Variants in CFAP44 observed in about 807,000 individuals in gnomAD.
The protein encoded by CFAP44 is cilia and flagella associated protein 44.
A neutral mutation model predicts 216.2 loss-of-function variants in CFAP44; 134 were observed. The observed-to-expected ratio is 0.62, with a 90% CI of 0.54 to 0.72. The LOEUF (loss-of-function observed/expected upper bound fraction) is 0.72. Ranked by LOEUF, CFAP44 falls within the 30% of genes least tolerant of loss-of-function variation. The probability of loss-of-function intolerance (pLI) is 0.00; values close to 1 mark genes in which losing one functional copy is unlikely to be tolerated. For synonymous variants in CFAP44, 700 were observed against 727.6 expected (o/e 0.96, Z 0.61); for missense variants, 2,035 against 2,182.1 (o/e 0.93, Z 1.34).
In CFAP44 at chr3:113,385,835, G is replaced by A. The variant is rs192934604; in HGVS notation, c.1891-4775C>T. 7.9e-3 allele frequency among the ~76,000 whole-genome samples: 1,191 copies of A among 151,076 alleles called. 16 individuals carry two copies. Among genetic ancestry groups the A allele is most frequent in the African/African-American group, 0.027 (1,129 of 41,158 alleles). On this transcript the variant is annotated intron_variant, in intron 15 of 34. Transcript: ENST00000393845. ...ATTTTTTTTTTTTTGGTAGAGACAG[G>A]GTTTCACCATGTTGACCAGGCTTGT... is the stretch of plus-strand genomic sequence containing the variant.
At chr3:113,369,547 C>T (rs985601852) in intron 18 of CFAP44, among the ~76,000 whole-genome samples, 2 of 152,178 alleles carry the variant, frequency 1.3e-5, no homozygotes, top group Admixed American at 6.5e-5. Context: ...AAGGACACAA[C>T]GTACCAGAAT....
At chr3:113,372,148 A>C (rs1056137213) in intron 18 of CFAP44, among the ~76,000 whole-genome samples, 19 of 152,274 alleles carry the variant, frequency 1.2e-4, no homozygotes, top group Non-Finnish European at 2.6e-4. Context: ...AAATTAGTTC[A>C]ACCATTGTGG....
At chr3:113,301,405 G>A (rs1949933455) in intron 32 of CFAP44, among the ~76,000 whole-genome samples, 1 of 152,092 alleles carries the variant, frequency 6.6e-6, no homozygotes, top group African/African-American at 2.4e-5. Context: ...AATGCACACA[G>A]ATAGATGTTA....
chr3:113,328,587 G>T (rs58121831), intron 26 of CFAP44, among the ~76,000 whole-genome samples: 10,789 of 150,460 alleles, frequency 0.072, 798 homozygotes, highest in African/African-American at 0.19. Flanking sequence ...ATGATAGGTG[G>T]CCTCAACTGT....
chr3:113,414,428 G>T (rs1193761937), intron 6 of CFAP44, among the ~76,000 whole-genome samples: 1 of 152,166 alleles, frequency 6.6e-6, no homozygotes, highest in African/African-American at 2.4e-5. Flanking sequence ...GGGCATCCTT[G>T]TCTTGTACCA....
chr3:113,325,377 A>T (rs890611500), intron 28 of CFAP44, among the ~76,000 whole-genome samples: 1 of 152,102 alleles, frequency 6.6e-6, no homozygotes, highest in Non-Finnish European at 1.5e-5. Context: ...TATATACTGA[A>T]TACTAGTATA....
In CFAP44 at chr3:113,425,990, G is replaced by A. The variant is rs571266193; in HGVS notation, c.407+134C>T. On this transcript the variant is annotated intron_variant, in intron 4 of 34. Coordinates refer to ENST00000393845, the MANE Select transcript of CFAP44 (RefSeq NM_001164496.2). ...AACAAAATGTAAGCAAATGGATGTG[G>A]CTGTGTTGCAATAAAACTTGATTTA... 34 of 985,740 alleles carry A rather than the reference G, an allele frequency of 3.4e-5. No homozygotes were observed. In the South Asian group the frequency reaches 5.4e-4, roughly 16 times the overall value. The allele number at this position is 985,740 out of a possible 1,614,324, so 61.1% of individuals were successfully genotyped here.
chr3:113,368,821 T>A (rs1050455687), intron 18 of CFAP44, among the ~76,000 whole-genome samples: 8 of 152,148 alleles, frequency 5.3e-5, no homozygotes, highest in African/African-American at 1.9e-4. Flanking sequence ...TCATGACCCA[T>A]CAGTGTGCTG....
At chr3:113,342,749 T>C (rs956986939) in intron 23 of CFAP44, among the ~76,000 whole-genome samples, 1 of 152,000 alleles carries the variant, frequency 6.6e-6, no homozygotes, top group Non-Finnish European at 1.5e-5. Flanking sequence ...CTTATCACTT[T>C]GTAAGGCCAA....
intron 6 of CFAP44, among the ~76,000 whole-genome samples, chr3:113,414,794 T>C (rs1934597742): frequency 6.6e-6 from 1 of 152,242 alleles, no homozygotes; most frequent in Non-Finnish European, 1.5e-5. Flanking sequence ...GCATCGATGT[T>C]CATCAGGGAT....
intron 4 of CFAP44, among the ~76,000 whole-genome samples, chr3:113,422,364 G>A (rs527507806): frequency 2.0e-5 from 3 of 152,252 alleles, no homozygotes; most frequent in African/African-American, 7.2e-5. Context: ...AGAAGAAAAT[G>A]TAGAATGTAA....
At chr3:113,419,972 A>G (rs763090282) in intron 5 of CFAP44, 45 bp downstream of exon 5, 1 of 1,598,208 alleles carries the variant, frequency 6.3e-7, no homozygotes. Context: ...ACAAGCAAAA[A>G]GATAGGGTTT....
At chr3:113,349,862 C>A (rs547218293) in intron 22 of CFAP44, among the ~76,000 whole-genome samples, 2 of 152,158 alleles carry the variant, frequency 1.3e-5, no homozygotes, top group African/African-American at 4.8e-5. Flanking sequence ...TGTTACCATC[C>A]GAGGAATCCT....
In CFAP44 at chr3:113,379,158, G is replaced by A. The variant is rs551096234; in HGVS notation, c.2298+148C>T. 4.7e-5 allele frequency: 27 copies of A among 577,020 alleles called. 2 individuals are homozygous for A. The South Asian group carries it at 1.7e-3, about 36-fold the overall frequency. 35.7% of individuals were successfully genotyped at this position (577,020 alleles called of 1,614,324 possible). ...CCCACATTCATTCATCAAAACTCAC[G>A]ACTTCAATAGTATTTAATAAATGAA... On this transcript the variant is annotated intron_variant, in intron 17 of 34. Transcript: ENST00000393845.
chr3:113,396,794 A>C (rs550912801), intron 13 of CFAP44, 67 bp from the exon 14 acceptor site: 1 of 1,454,104 alleles, frequency 6.9e-7, no homozygotes, highest in African/African-American at 1.4e-5. Context: ...TATATAACAG[A>C]TATTTTATTT....
chr3:113,423,834 C>T (rs1934887219), intron 4 of CFAP44, among the ~76,000 whole-genome samples: 1 of 152,192 alleles, frequency 6.6e-6, no homozygotes, highest in African/African-American at 2.4e-5. Context: ...GAGACTCCAG[C>T]ACAGCCACGT....
rs1934128337 is a variant in CFAP44, at chr3:113,401,115, T to C, written c.1374+125A>G. On this transcript the variant is annotated intron_variant, in intron 11 of 34. Transcript: ENST00000393845. ...AGAGAGAATTCTCAAGAGTAGCACA[T>C]GTTAGGCAAGTTTTTTATGAGGACC... The C allele has an allele frequency of 7.5e-6, 6 of 805,310 alleles. No individual in the cohort carries two copies. In the East Asian group the frequency reaches 1.7e-4, roughly 23 times the overall value. The allele number at this position is 805,310 out of a possible 1,614,324, so 49.9% of individuals were successfully genotyped here. A position where few individuals can be genotyped will look rare whatever the true frequency, so the allele number is the denominator to read the frequency against.
At chr3:113,349,027 C>T (rs531198552) in intron 22 of CFAP44, among the ~76,000 whole-genome samples, 13 of 152,126 alleles carry the variant, frequency 8.5e-5, no homozygotes, top group African/African-American at 2.9e-4. Context: ...GTCAGCAAGC[C>T]GTCACCAGTA....
At chr3:113,417,995 A>G (rs529780160) in intron 5 of CFAP44, among the ~76,000 whole-genome samples, 10 of 152,116 alleles carry the variant, frequency 6.6e-5, no homozygotes, top group Non-Finnish European at 1.3e-4. Context: ...TCTGCCTCAT[A>G]TTGGAAACTG....
Sources: allele counts gnomAD v4.1 joint callset (sites outside exome capture counted in the v4.1 genomes callset), GRCh38; gene constraint gnomAD v4.1.1; transcripts MANE v1.5; gene names NCBI Gene and HGNC (gene_info 2026-07-23, HGNC 2026-07-21).